LRRC69: variants seen among roughly 807,000 people sequenced by gnomAD.
LRRC69 encodes leucine-rich repeat-containing protein 69.
LRRC69 carries 42 observed loss-of-function variants against 37.8 expected under a neutral mutation model. That is an observed-to-expected ratio of 1.11 (90% confidence interval 0.87 to 1.44). The LOEUF is 1.44. LRRC69 is among the 40% of genes most tolerant of loss of function. LRRC69 has a pLI of 0.00. For missense variants in LRRC69, 357 were observed against 401.9 expected, an observed-to-expected ratio of 0.89 and a Z score of 0.96; for synonymous variants, 141 against 143.1, an observed-to-expected ratio of 0.99 and a Z score of 0.11.
chr8:91,131,245 T>TG (rs200254095), intron 3 of LRRC69, among the ~76,000 whole-genome samples: 2,316 of 145,254 alleles, frequency 0.016, 37 homozygotes, highest in African/African-American at 0.048. Flanking sequence ...CTTTTTTTTT[T>TG]TTTGTTTTGT....
intron 2 of LRRC69, among the ~76,000 whole-genome samples, chr8:91,126,780 A>C (rs1813723642): frequency 1.3e-5 from 2 of 152,128 alleles, no homozygotes; most frequent in East Asian, 3.9e-4. Context: ...TGAAGAACTA[A>C]ATTATATTTT....
At chr8:91,139,527 G>A in intron 5 of LRRC69, among the ~76,000 whole-genome samples, 1 of 144 alleles carries the variant, frequency 6.9e-3, no homozygotes. Context: ...CGCCCACTTC[G>A]GCCCTCTCAA....
intron 5 of LRRC69, chr8:91,157,837 G>T (rs1808863547): frequency 6.2e-7 from 1 of 1,606,094 alleles, no homozygotes; most frequent in South Asian, 1.1e-5. Context: ...AAAAGGAGCT[G>T]CATCATTTAC....
intron 5 of LRRC69, among the ~76,000 whole-genome samples, chr8:91,167,466 T>G (rs1809050602): frequency 6.6e-6 from 1 of 151,462 alleles, no homozygotes; most frequent in Non-Finnish European, 1.5e-5. Flanking sequence ...GGAGCTACAA[T>G]TCAAGATTGG....
At chr8:91,218,686 G>A (rs1348406110) in intron 7 of LRRC69, among the ~76,000 whole-genome samples, 1 of 152,002 alleles carries the variant, frequency 6.6e-6, no homozygotes, top group African/African-American at 2.4e-5. Context: ...TCATCATTTG[G>A]ATTTTGTTTA....
At chr8:91,160,300 GT>G (rs1451630056) in intron 5 of LRRC69, among the ~76,000 whole-genome samples, 73 of 142,950 alleles carry the variant, frequency 5.1e-4, no homozygotes, top group African/African-American at 1.2e-3. Context: ...TTAGTTTTTT[GT>G]TTTTTTTTTT....
intron 1 of LRRC69, among the ~76,000 whole-genome samples, chr8:91,110,812 C>A (rs2130479578): frequency 6.6e-6 from 1 of 152,110 alleles, no homozygotes; most frequent in South Asian, 2.1e-4. Context: ...ATATGATATG[C>A]ACTACATTGA....
intron 5 of LRRC69, among the ~76,000 whole-genome samples, chr8:91,164,902 CT>C (rs1377722919): frequency 6.6e-6 from 1 of 151,642 alleles, no homozygotes; most frequent in Admixed American, 6.6e-5. Context: ...ATTGCATGTT[CT>C]TTTAATTGTT....
intron 7 of LRRC69, among the ~76,000 whole-genome samples, chr8:91,212,606 A>G (rs1809951674): frequency 6.6e-6 from 1 of 152,210 alleles, no homozygotes; most frequent in African/African-American, 2.4e-5. Flanking sequence ...TTACTTATAA[A>G]GTAAAATCTT....
At chr8:91,204,531 G>A (rs1406073492) in intron 7 of LRRC69, among the ~76,000 whole-genome samples, 1 of 152,138 alleles carries the variant, frequency 6.6e-6, no homozygotes, top group Admixed American at 6.5e-5. Flanking sequence ...CTGCTTCTTG[G>A]ACCCTATGCT....
intron 1 of LRRC69, chr8:91,118,211 A>C (rs368356551): frequency 2.2e-6 from 1 of 455,376 alleles, no homozygotes; most frequent in Non-Finnish European, 4.4e-6. Context: ...TGACTTGTAA[A>C]ATTTCCTTCT....
intron 7 of LRRC69, among the ~76,000 whole-genome samples, chr8:91,216,426 G>T (rs1173885667): frequency 6.6e-6 from 1 of 152,162 alleles, no homozygotes; most frequent in Non-Finnish European, 1.5e-5. Context: ...AAGCAAATCA[G>T]ATGTCGAACT....
At chr8:91,160,913 A>G (rs866967742) in intron 5 of LRRC69, among the ~76,000 whole-genome samples, 5 of 151,250 alleles carry the variant, frequency 3.3e-5, no homozygotes, top group South Asian at 4.1e-4. Context: ...CATACTCACT[A>G]TGATTTTACT....
chr8:91,106,368 A>G (rs576943553), intron 1 of LRRC69, among the ~76,000 whole-genome samples: 2 of 152,030 alleles, frequency 1.3e-5, no homozygotes, highest in Non-Finnish European at 2.9e-5. Context: ...TATTTCCCAC[A>G]GAATGCAAAG....
chr8:91,139,702 T>C (rs1808499348), intron 5 of LRRC69, among the ~76,000 whole-genome samples: 2 of 151,950 alleles, frequency 1.3e-5, no homozygotes. Flanking sequence ...TGTGTGTTTT[T>C]AGAAAAGCCT....
intron 1 of LRRC69, among the ~76,000 whole-genome samples, chr8:91,116,688 A>AT (rs995555682): frequency 1.3e-5 from 2 of 152,012 alleles, no homozygotes; most frequent in African/African-American, 4.8e-5. Flanking sequence ...TCATTTCACC[A>AT]TAAATCATAG....
At chr8:91,168,102 C>T (rs1281123226) in intron 5 of LRRC69, among the ~76,000 whole-genome samples, 1 of 151,760 alleles carries the variant, frequency 6.6e-6, no homozygotes, top group Non-Finnish European at 1.5e-5. Context: ...TGATAATACA[C>T]AGGTAAACAA....
chr8:91,175,050 C>T (rs1007251419), intron 5 of LRRC69, among the ~76,000 whole-genome samples: 1 of 152,178 alleles, frequency 6.6e-6, no homozygotes, highest in Non-Finnish European at 1.5e-5. Context: ...AGGGACTTAT[C>T]TATCTGCCAA....
At chr8:91,135,397 G>T (rs913300021) in intron 4 of LRRC69, among the ~76,000 whole-genome samples, 2 of 152,030 alleles carry the variant, frequency 1.3e-5, no homozygotes, top group Non-Finnish European at 2.9e-5. Context: ...TATAGTACCT[G>T]CCAGAGGTGA....
Sources: allele counts gnomAD v4.1 joint callset (sites outside exome capture counted in the v4.1 genomes callset), GRCh38; gene constraint gnomAD v4.1.1; transcripts MANE v1.5; gene names NCBI Gene and HGNC (gene_info 2026-07-23, HGNC 2026-07-21).